ITGA7: variants seen among roughly 807,000 people sequenced by gnomAD.
The protein encoded by ITGA7 is integrin alpha-7.
Under a neutral mutation model 131.6 loss-of-function variants are expected in ITGA7, and 84 were observed. The observed-to-expected ratio is 0.64, with a 90% confidence interval of 0.54 to 0.77. ITGA7 has a LOEUF of 0.77. Ranked by LOEUF, ITGA7 falls within the 30% of genes least tolerant of loss-of-function variation. The probability of loss-of-function intolerance (pLI) is 0.00; values close to 1 mark genes in which losing one functional copy is unlikely to be tolerated. For synonymous variants in ITGA7, 548 were observed against 600.7 expected, an observed-to-expected ratio of 0.91 and a Z score of 1.28; for missense variants, 1,399 against 1,482.9, an observed-to-expected ratio of 0.94 and a Z score of 0.93.
chr12:55,699,427 C>T (rs1050438484), intron 5 of ITGA7: 14 of 276,558 alleles, frequency 5.1e-5, no homozygotes, highest in Non-Finnish European at 7.7e-5. Flanking sequence ...AGTGAGAGAG[C>T]GCCTGCTTCA....
chr12:55,716,053 T>A (rs775929732), upstream of ITGA7: 1 of 1,554,362 alleles, frequency 6.4e-7, no homozygotes, highest in African/African-American at 1.4e-5. Context: ...TCACGTGACA[T>A]GGCCCCGGGG....
intron 4 of ITGA7, chr12:55,700,417 C>T: frequency 6.3e-7 from 1 of 1,592,084 alleles, no homozygotes. Flanking sequence ...CCTGTTAGTG[C>T]CCAGGGCAGG....
intron 24 of ITGA7, among the ~76,000 whole-genome samples, chr12:55,686,828 G>C (rs11829739): frequency 0.096 from 14,577 of 152,232 alleles, 2,206 homozygotes; most frequent in African/African-American, 0.33. Flanking sequence ...CAGTCCCCTG[G>C]AGGCCGTTCT....
At chr12:55,697,166 C>T (rs775577763) in intron 11 of ITGA7, 50 bp downstream of exon 11, 6 of 1,573,144 alleles carry the variant, frequency 3.8e-6, no homozygotes, top group East Asian at 4.7e-5. Context: ...AGTGACCCCC[C>T]TCCCTGGGAA....
chr12:55,686,147 T>C (rs1870066924), intron 24 of ITGA7: 3 of 997,334 alleles, frequency 3.0e-6, no homozygotes, highest in Middle Eastern at 2.5e-4. Flanking sequence ...TCTCCTTATA[T>C]TCACACACAT....
intron 4 of ITGA7, chr12:55,700,193 C>A: frequency 2.0e-6 from 3 of 1,526,824 alleles, no homozygotes; most frequent in Non-Finnish European, 2.7e-6. Flanking sequence ...AGGATGGGAG[C>A]ATGGAGAGAG....
At position 55,685,273 on chromosome 12, in the gene ITGA7, G is replaced by C; in HGVS notation, c.3199C>G (p.Arg1067Gly). 1 of 1,614,090 alleles carries C rather than the reference G, an allele frequency of 6.2e-7. No homozygotes were observed. Among genetic ancestry groups the C allele is most frequent in the Non-Finnish European group, 8.5e-7 (1 of 1,180,028 alleles). Residue 1067 changes from arginine (R) to glycine (G), a missense_variant, in exon 25 of 25, where the codon CGG (arginine) becomes GGG (glycine). By Grantham distance (125) the Arg-to-Gly change is moderately radical. Transcript: ENST00000257879. Reference sequence around the variant, plus strand: ...ACGGTGGCCTCGGGGTGCTTCGCCCGTTTGAAGAATCCCATCTATAAGGAC... The same window carrying C: ...ACGGTGGCCTCGGGGTGCTTCGCCCCTTTGAAGAATCCCATCTATAAGGAC... ...LLLWKMGFFK[R>G]AKHPEATVPQ... is the part of the protein sequence containing the mutation.
chr12:55,694,896 T>A lies in ITGA7; in HGVS notation c.2078A>T (p.Asn693Ile). The A allele has an allele frequency of 6.2e-7, 1 of 1,613,950 alleles. No individual in the cohort carries two copies. The highest frequency in any genetic ancestry group is 8.5e-7 in the Non-Finnish European group (1 of 1,179,964). The change falls in exon 15 of 25, where the codon AAC becomes ATC. Residue 693 changes from asparagine (N) to isoleucine (I), a missense_variant. Physicochemically the swap from Asn to Ile is moderately radical, Grantham distance 149. Coordinates refer to ENST00000257879, the MANE Select transcript of ITGA7 (RefSeq NM_002206.3). The surrounding 1 kb of genome is among the most constrained non-coding windows in gnomAD (Gnocchi z 5.3). ...GGGCTGGGCTGGGTCCGATGGCAGG[T>A]TGGTGACCATCAGCTCCAGGCCAAT... ...PVIGLELMVT[N>I]LPSDPAQPQA...
chr12:55,708,420 C>T (rs911399476), upstream of ITGA7, among the ~76,000 whole-genome samples: 5 of 152,006 alleles, frequency 3.3e-5, no homozygotes, highest in African/African-American at 1.2e-4. Context: ...CATCCTATCC[C>T]ATCCCCCGCC....
intron 24 of ITGA7, among the ~76,000 whole-genome samples, chr12:55,685,638 A>C (rs1869941542): frequency 6.6e-6 from 1 of 152,190 alleles, no homozygotes; most frequent in Non-Finnish European, 1.5e-5. Flanking sequence ...CCCAGAACAC[A>C]AACAAGACCT....
chr12:55,712,021 G>A (rs747248317), upstream of ITGA7: 61 of 1,485,752 alleles, frequency 4.1e-5, no homozygotes, highest in East Asian at 4.9e-4. Flanking sequence ...AGGCTTTTCC[G>A]TCCCAACATG....
intron 1 of ITGA7, among the ~76,000 whole-genome samples, chr12:55,706,467 C>G (rs1875204332): frequency 6.6e-6 from 1 of 152,142 alleles, no homozygotes; most frequent in Non-Finnish European, 1.5e-5. Context: ...CAGTGGACAG[C>G]ATTGATCCCA....
At chr12:55,686,201 C>A in intron 24 of ITGA7, 2 of 1,345,258 alleles carry the variant, frequency 1.5e-6, no homozygotes, top group Non-Finnish European at 2.0e-6. Context: ...ACAACAGTTA[C>A]CCCACAGTCC....
intron 1 of ITGA7, among the ~76,000 whole-genome samples, chr12:55,704,890 A>C (rs575724429): frequency 6.6e-5 from 10 of 152,300 alleles, no homozygotes; most frequent in African/African-American, 1.4e-4. Flanking sequence ...AATAAATGGC[A>C]ACCTTCAGGC....
chr12:55,692,921 C>A lies in ITGA7; in HGVS notation c.2767G>T (p.Glu923Ter). Residue 923 changes from glutamate to a stop codon, truncating the protein, a stop_gained, in exon 21 of 25, where the codon GAG (glutamate) becomes TAG (stop). Transcript: ENST00000257879. LOFTEE classifies it high-confidence loss of function. ...RRELEPPEQQEPGERQEPSMS... is the reference protein window; with the variant it reads ...RRELEPPEQQ ...CTGGGCTCCTGCCGCTCACCAGGCTCCTGCTGCTCAGGTGGCTCCAGCTCC... is the reference window on the plus strand; with the variant it reads ...CTGGGCTCCTGCCGCTCACCAGGCTACTGCTGCTCAGGTGGCTCCAGCTCC... 1 of 1,614,110 alleles carries A rather than the reference C, an allele frequency of 6.2e-7. No individual in the cohort carries two copies. The highest frequency in any genetic ancestry group is 1.1e-5 in the South Asian group (1 of 91,064).
Position 55,698,873 on chromosome 12 carries a change from G to C in ITGA7, c.835C>G (p.Leu279Val). Residue 279 changes from leucine to valine, a missense_variant, in exon 6 of 25, where the codon CTG becomes GTG. Coordinates refer to ENST00000257879, the MANE Select transcript of ITGA7 (RefSeq NM_002206.3). ...SGKGLVRAEELSFVAGAPRAN... is the reference protein window; with the variant it reads ...SGKGLVRAEEVSFVAGAPRAN... The stretch of plus-strand genomic sequence containing the variant: ...CGGGGGGCTCCAGCCACAAAGCTCA[G>C]CTCTTCTGCACGCACCAGACCTTTC... 1.9e-6 allele frequency: 3 copies of C among 1,613,932 alleles called. No individual in the cohort carries two copies. The highest frequency in any genetic ancestry group is 2.5e-6 in the Non-Finnish European group (3 of 1,179,942).
chr12:55,695,144 G>A (rs937884338), intron 14 of ITGA7, 174 bp from the exon 15 acceptor site: 10 of 653,660 alleles, frequency 1.5e-5, no homozygotes, highest in African/African-American at 1.4e-4. Context: ...GGAGTCAGGG[G>A]ACCTCCGTTC....
At chr12:55,704,545 C>T (rs1279801548) in intron 1 of ITGA7, among the ~76,000 whole-genome samples, 1 of 152,198 alleles carries the variant, frequency 6.6e-6, no homozygotes, top group Non-Finnish European at 1.5e-5. Context: ...CGAGGCTAGA[C>T]ACCAGGGATA....
At chr12:55,708,014 G>C (rs1184619028), upstream of ITGA7, 10 of 1,200,940 alleles carry the variant, frequency 8.3e-6, no homozygotes, top group Non-Finnish European at 1.0e-5. Context: ...GGGATGCCCA[G>C]GCTGGTGGCT....
Sources: gnomAD v4.1 joint callset for allele counts (sites outside exome capture counted in the v4.1 genomes callset) on GRCh38, gnomAD v4.1.1 for gene constraint, Gnocchi (gnomAD v3.1) non-coding constraint, MANE v1.5 for transcripts, NCBI Gene and HGNC (gene_info 2026-07-23, HGNC 2026-07-21) for gene names.